Variants in CPA6 observed in about 807,000 individuals in gnomAD.
CPA6 encodes the protein carboxypeptidase A6, also known as carboxypeptidase B.
CPA6 carries 58 observed loss-of-function variants against 63.3 expected under a neutral mutation model. The observed-to-expected ratio is 0.92, with a 90% confidence interval of 0.74 to 1.14. The LOEUF (loss-of-function observed/expected upper bound fraction) is 1.14. CPA6 is among the 50% of genes most tolerant of loss of function. CPA6 has a pLI of 0.00. For synonymous variants in CPA6, 185 were observed against 179.0 expected (o/e 1.03, Z -0.27); for missense variants, 565 against 526.6 (o/e 1.07, Z -0.71).
At chr8:67,690,320 G>A (rs1490960848) in intron 1 of CPA6, among the ~76,000 whole-genome samples, 1 of 152,006 alleles carries the variant, frequency 6.6e-6, no homozygotes, top group Non-Finnish European at 1.5e-5. Flanking sequence ...TTAAGATGTC[G>A]ATGGCAACAG....
chr8:67,483,329 C>T (rs549721832), intron 8 of CPA6: 2 of 179,216 alleles, frequency 1.1e-5, no homozygotes, highest in South Asian at 1.2e-4. Flanking sequence ...GGTCAATCCA[C>T]GTATGACCAG....
At chr8:67,544,926 C>T (rs531662613) in intron 2 of CPA6, among the ~76,000 whole-genome samples, 1 of 152,170 alleles carries the variant, frequency 6.6e-6, no homozygotes, top group East Asian at 1.9e-4. Context: ...TATTTTAGAT[C>T]CATTTTTTTG....
intron 2 of CPA6, among the ~76,000 whole-genome samples, chr8:67,527,538 C>A (rs1413653704): frequency 6.6e-6 from 1 of 152,178 alleles, no homozygotes; most frequent in African/African-American, 2.4e-5. Flanking sequence ...AACTGAACTA[C>A]CTGATTCCCA....
At chr8:67,634,646 C>A (rs1563370890) in intron 1 of CPA6, among the ~76,000 whole-genome samples, 1 of 151,524 alleles carries the variant, frequency 6.6e-6, no homozygotes, top group Non-Finnish European at 1.5e-5. Flanking sequence ...TGAGTTCTAA[C>A]CCTTAAATTG....
intron 3 of CPA6, among the ~76,000 whole-genome samples, chr8:67,516,726 T>C (rs1812151729): frequency 6.6e-6 from 1 of 152,200 alleles, no homozygotes; most frequent in African/African-American, 2.4e-5. Flanking sequence ...CTTGGTACCC[T>C]GGACCCATCT....
chr8:67,546,366 C>T (rs1389394878), intron 2 of CPA6, among the ~76,000 whole-genome samples: 5 of 152,160 alleles, frequency 3.3e-5, no homozygotes, highest in Non-Finnish European at 5.9e-5. Flanking sequence ...ATAGCATGTG[C>T]TCATTAAAGA....
intron 2 of CPA6, 26 bp downstream of exon 2, chr8:67,624,150 C>A: frequency 7.4e-7 from 1 of 1,346,578 alleles, no homozygotes; most frequent in Non-Finnish European, 1.1e-6. Context: ...CACAATTCTA[C>A]CATAAGTGTG....
At chr8:67,741,715 G>A (rs909171910) in intron 1 of CPA6, among the ~76,000 whole-genome samples, 5 of 152,108 alleles carry the variant, frequency 3.3e-5, no homozygotes, top group South Asian at 2.1e-4. Flanking sequence ...ACTGTTTCCC[G>A]TCATCCCCAG....
intron 5 of CPA6, among the ~76,000 whole-genome samples, chr8:67,507,999 T>TTGTGTGTGTGTG (rs145996041): frequency 1.1e-4 from 15 of 142,296 alleles, no homozygotes; most frequent in East Asian, 1.1e-3. Context: ...ATGGGGTGCT[T>TTGTGTGTGTGTG]TGTGTGTGTG....
intron 8 of CPA6, among the ~76,000 whole-genome samples, chr8:67,468,872 A>T (rs1261041262): frequency 6.6e-6 from 1 of 152,040 alleles, no homozygotes; most frequent in Non-Finnish European, 1.5e-5. Context: ...TGTCCTCACC[A>T]CATTCCATCC....
intron 6 of CPA6, among the ~76,000 whole-genome samples, chr8:67,493,689 G>C (rs1301062570): frequency 6.6e-6 from 1 of 152,182 alleles, no homozygotes; most frequent in African/African-American, 2.4e-5. Flanking sequence ...ATCAAACTGG[G>C]CCTGGAAGGG....
intron 1 of CPA6, among the ~76,000 whole-genome samples, chr8:67,720,553 G>A (rs1817476452): frequency 1.3e-5 from 2 of 151,180 alleles, no homozygotes; most frequent in Non-Finnish European, 3.0e-5. Context: ...CTAAGCATCA[G>A]AAACGGGCGG....
chr8:67,710,972 G>C (rs1817248082), intron 1 of CPA6, among the ~76,000 whole-genome samples: 1 of 152,186 alleles, frequency 6.6e-6, no homozygotes, highest in South Asian at 2.1e-4. Flanking sequence ...GCTCTCCATA[G>C]TATATACTTT....
intron 2 of CPA6, among the ~76,000 whole-genome samples, chr8:67,582,383 G>T (rs1300615778): frequency 1.3e-5 from 2 of 152,136 alleles, no homozygotes; most frequent in Non-Finnish European, 2.9e-5. Context: ...GATGTTTCAG[G>T]TTTCTAGAAA....
chr8:67,586,202 T>G (rs1245534944), intron 2 of CPA6, among the ~76,000 whole-genome samples: 1 of 152,046 alleles, frequency 6.6e-6, no homozygotes, highest in Non-Finnish European at 1.5e-5. Context: ...GTAGGCTATA[T>G]GTTCTGTTAG....
rs1816548511 is a variant in CPA6 at position 67,679,541 on chromosome 8, A to G, written c.117-55290T>C. On this transcript the variant is annotated intron_variant, in intron 1 of 10. Coordinates refer to ENST00000297770, the MANE Select transcript of CPA6 (RefSeq NM_020361.5). ...TTACTATGCTTGTTACTACTCAAAT[A>G]TCATCAAAATGCTTATGCTAGTCAG... 2.0e-5 allele frequency among the ~76,000 whole-genome samples: 3 copies of G among 152,226 alleles called. No individual in the cohort carries two copies. In the South Asian group the frequency reaches 6.2e-4, roughly 32 times the overall value.
intron 1 of CPA6, among the ~76,000 whole-genome samples, chr8:67,626,442 C>CTGTA (rs1463772562): frequency 6.6e-6 from 1 of 152,130 alleles, no homozygotes; most frequent in Non-Finnish European, 1.5e-5. Flanking sequence ...GTTTTATGGA[C>CTGTA]TGCTACTCTA....
rs144488653 is a variant in CPA6 at position 67,596,443 on chromosome 8, A to G, written c.192+27733T>C. On this transcript the variant is annotated intron_variant, in intron 2 of 10. Transcript: ENST00000297770. ...TGAATGAAAATAGATTACATTTCCC[A>G]TTTCATTCCTATTGTCCCCTTCCTG... 4.0e-5 allele frequency among the ~76,000 whole-genome samples: 6 copies of G among 151,730 alleles called. No individual in the cohort carries two copies. In the East Asian group the frequency reaches 1.2e-3, roughly 29 times the overall value.
At chr8:67,476,551 C>CTTTT (rs1162086045) in intron 8 of CPA6, among the ~76,000 whole-genome samples, 2 of 121,128 alleles carry the variant, frequency 1.7e-5, no homozygotes, top group African/African-American at 8.6e-5. Flanking sequence ...CTCTCTCTCT[C>CTTTT]TCTTTTTTTT....
Sources: gnomAD v4.1 joint callset for allele counts (sites outside exome capture counted in the v4.1 genomes callset) on GRCh38, gnomAD v4.1.1 for gene constraint, MANE v1.5 for transcripts, NCBI Gene and HGNC (gene_info 2026-07-23, HGNC 2026-07-21) for gene names.